The following RIMBP2 variants were observed in gnomAD, a reference collection of about 807,000 sequenced individuals.
RIMBP2 encodes the protein RIMS-binding protein 2.
Under a neutral mutation model 118.6 loss-of-function variants are expected in RIMBP2, and 48 were observed. The observed-to-expected ratio is 0.40, with a 90% CI of 0.32 to 0.51. The LOEUF (loss-of-function observed/expected upper bound fraction) is 0.51, where lower values mean the gene tolerates loss of function less well. Ranked by LOEUF, RIMBP2 falls within the 20% of genes least tolerant of loss-of-function variation. RIMBP2 has a pLI of 0.41. For synonymous variants in RIMBP2, 762 were observed against 742.9 expected (o/e 1.03, Z -0.42); for missense variants, 1,551 against 1,768.3 (o/e 0.88, Z 2.20).
chr12:130,612,198 G>A (rs963736110), intron 2 of RIMBP2, among the ~76,000 whole-genome samples: 19 of 152,044 alleles, frequency 1.2e-4, no homozygotes, highest in East Asian at 1.9e-4. Flanking sequence ...ACCTGTGTCC[G>A]GCCCAGACTG....
At chr12:130,499,711 C>T (rs921305300) in intron 4 of RIMBP2, among the ~76,000 whole-genome samples, 2 of 152,166 alleles carry the variant, frequency 1.3e-5, no homozygotes, top group South Asian at 4.1e-4. Context: ...AGGACTCACC[C>T]ACAGTGAGGT....
At chr12:130,645,886 C>T (rs1028169440) in intron 1 of RIMBP2, among the ~76,000 whole-genome samples, 2 of 152,176 alleles carry the variant, frequency 1.3e-5, no homozygotes, top group Non-Finnish European at 2.9e-5. Flanking sequence ...TCTTCCTTGC[C>T]TAACTAAATG....
chr12:130,580,698 G>A (rs2058412068), intron 2 of RIMBP2, among the ~76,000 whole-genome samples: 1 of 152,214 alleles, frequency 6.6e-6, no homozygotes, highest in Admixed American at 6.5e-5. Context: ...TCAACACTTT[G>A]AGAGGCTGGG....
At chr12:130,538,946 G>A (rs1477202887) in intron 2 of RIMBP2, among the ~76,000 whole-genome samples, 1 of 152,196 alleles carries the variant, frequency 6.6e-6, no homozygotes, top group Non-Finnish European at 1.5e-5. Context: ...GGGTGGGCCT[G>A]AGGGTGCTAA....
chr12:130,608,196 G>A (rs10744472), intron 2 of RIMBP2, among the ~76,000 whole-genome samples: 120,667 of 152,178 alleles, frequency 0.79, 47,944 homozygotes, highest in South Asian at 0.86. Flanking sequence ...TTTGGTTTCT[G>A]TTGTGAATGG....
intron 1 of RIMBP2, among the ~76,000 whole-genome samples, chr12:130,681,980 A>G (rs2136559527): frequency 6.6e-6 from 1 of 152,296 alleles, no homozygotes; most frequent in South Asian, 2.1e-4. Flanking sequence ...TACAGGAGTG[A>G]GCCACCGTGC....
intron 1 of RIMBP2, among the ~76,000 whole-genome samples, chr12:130,661,177 A>T (rs7964895): frequency 0.54 from 82,635 of 152,034 alleles, 23,080 homozygotes; most frequent in Non-Finnish European, 0.62. Flanking sequence ...GGTGGCAAGG[A>T]CACCTAGCTT....
intron 2 of RIMBP2, among the ~76,000 whole-genome samples, chr12:130,618,485 G>C (rs2061096872): frequency 6.6e-6 from 1 of 152,116 alleles, no homozygotes; most frequent in Admixed American, 6.5e-5. Context: ...TCAGTCTTAG[G>C]TTTCTCGCCC....
rs552890953 is a variant in RIMBP2, at chr12:130,621,151, G to T, written c.-217+7171C>A. 6.6e-6 allele frequency among the ~76,000 whole-genome samples: 1 copy of T among 152,264 alleles called. No individual in the cohort carries two copies. The highest frequency in any genetic ancestry group is 2.1e-4 in the South Asian group (1 of 4,826). ...TCCTACGTGGAAAGTGACCTTAGGT[G>T]AGTTGGAAACCCTTGAGTTCAGTCA... On this transcript the variant is annotated intron_variant, in intron 2 of 22. Transcript: ENST00000690449. This position sits in a 1 kb window ranked among gnomAD's most constrained non-coding sequence, Gnocchi z 6.6.
chr12:130,671,897 C>T (rs1479664023), intron 1 of RIMBP2, among the ~76,000 whole-genome samples: 1 of 152,126 alleles, frequency 6.6e-6, no homozygotes, highest in Non-Finnish European at 1.5e-5. Context: ...GAAAGTCAGG[C>T]ACCAAAAACA....
rs549528297 is a variant in RIMBP2 at position 130,497,573 on chromosome 12, T to C, written c.-4+9075A>G. Among the ~76,000 whole-genome samples, 4 of 152,340 alleles carry C rather than the reference T, an allele frequency of 2.6e-5. No homozygotes were observed. The East Asian group carries it at 5.8e-4, about 22-fold the overall frequency. On this transcript the variant is annotated intron_variant, in intron 4 of 22. Transcript: ENST00000690449. ...GTGGCTGTGAGCGAAGCACCACCGG[T>C]TGCAGTCCCTTTACCCAGGAGCTGG...
intron 3 of RIMBP2, among the ~76,000 whole-genome samples, chr12:130,509,698 C>T (rs1270227015): frequency 6.6e-6 from 1 of 151,520 alleles, no homozygotes. Flanking sequence ...TCCCAACCTC[C>T]TTTGCAGGTG....
In RIMBP2 at chr12:130,396,654, G is replaced by A. The variant is rs989923896; in HGVS notation, c.*707C>T. 4.6e-5 allele frequency: 7 copies of A among 152,572 alleles called. No individual in the cohort carries two copies. Among genetic ancestry groups the A allele is most frequent in the East Asian group, 3.8e-4 (2 of 5,196 alleles). 9.5% of individuals were successfully genotyped at this position (152,572 alleles called of 1,614,324 possible). A position where few individuals can be genotyped will look rare whatever the true frequency, so the allele number is the denominator to read the frequency against. Reference sequence around the variant, plus strand: ...AACATTAAAAGCAATGAAGATAATCGGCTTTCTGGAAGGTTGGAGTACTGG... The same window carrying A: ...AACATTAAAAGCAATGAAGATAATCAGCTTTCTGGAAGGTTGGAGTACTGG... On this transcript the variant is annotated 3_prime_UTR_variant, in exon 23 of 23. Transcript: ENST00000690449.
At position 130,424,122 on chromosome 12, in the gene RIMBP2, AG is replaced by A. The variant is rs199994725; in HGVS notation, c.3129+19del. On this transcript the variant is annotated intron_variant, in intron 16 of 22. Transcript: ENST00000690449. The surrounding 1 kb of genome is among the most constrained non-coding windows in gnomAD (Gnocchi z 9.8). ...ATTGGTTTGGCAAGCGGCTGTGAAA[AG>A]GAAGTTTAGGTCACACACCAGGGGG... The A allele has an allele frequency of 0.026, 31,681 of 1,203,066 alleles. 492 individuals are homozygous for A. Among genetic ancestry groups the A allele is most frequent in the Middle Eastern group, 0.043 (134 of 3,152 alleles). 74.5% of individuals were successfully genotyped at this position (1,203,066 alleles called of 1,614,324 possible).
chr12:130,580,196 T>C (rs1282119326), intron 2 of RIMBP2, among the ~76,000 whole-genome samples: 1 of 143,246 alleles, frequency 7.0e-6, no homozygotes, highest in African/African-American at 2.6e-5. Flanking sequence ...AGACTCCATT[T>C]AAAAAAAAAA....
rs748223207 is a variant in RIMBP2 at position 130,469,285 on chromosome 12, TCAC to T, written c.153+1405_153+1407del. On this transcript the variant is annotated intron_variant, in intron 6 of 22. Transcript: ENST00000690449. The surrounding 1 kb of genome is among the most constrained non-coding windows in gnomAD (Gnocchi z 4.8). ...ACCAAAGCACGCTGCGTTGCGACCG[TCAC>T]CACATTTGAAAGCATGCACCACCAG... is the stretch of plus-strand genomic sequence containing the variant. 14 of 152,410 alleles carry T rather than the reference TCAC, an allele frequency of 9.2e-5. No individual in the cohort carries two copies. Among genetic ancestry groups the T allele is most frequent in the Non-Finnish European group, 1.5e-4 (10 of 68,042 alleles). 9.4% of individuals were successfully genotyped at this position (152,410 alleles called of 1,614,324 possible). A position where few individuals can be genotyped will look rare whatever the true frequency, so the allele number is the denominator to read the frequency against.
At chr12:130,466,775 G>A (rs1030821643) in intron 6 of RIMBP2, among the ~76,000 whole-genome samples, 2 of 152,164 alleles carry the variant, frequency 1.3e-5, no homozygotes, top group South Asian at 4.1e-4. Context: ...TCTTCACAGG[G>A]ATGGGACAAA....
At chr12:130,711,909 C>A (rs933550198) in intron 1 of RIMBP2, among the ~76,000 whole-genome samples, 6 of 152,260 alleles carry the variant, frequency 3.9e-5, no homozygotes, top group Non-Finnish European at 8.8e-5. Flanking sequence ...GATGGGCAAG[C>A]CCATTGCTTC....
At chr12:130,491,880 GCTGA>G (rs1013584561) in intron 4 of RIMBP2, among the ~76,000 whole-genome samples, 18 of 152,350 alleles carry the variant, frequency 1.2e-4, no homozygotes, top group African/African-American at 4.1e-4. Flanking sequence ...GATATTTATA[GCTGA>G]CTGTCGACAT....
Sources: gnomAD v4.1 joint callset for allele counts (sites outside exome capture counted in the v4.1 genomes callset) on GRCh38, gnomAD v4.1.1 for gene constraint, Gnocchi (gnomAD v3.1) non-coding constraint, MANE v1.5 for transcripts, NCBI Gene and HGNC (gene_info 2026-07-23, HGNC 2026-07-21) for gene names.